The following FRMPD4 variants were observed in gnomAD, a reference collection of about 807,000 sequenced individuals.
The protein encoded by FRMPD4 is FERM and PDZ domain-containing protein 4.
A neutral mutation model predicts 94.1 loss-of-function variants in FRMPD4; 22 were observed. The ratio of observed to expected loss-of-function variants is 0.23; its 90% confidence interval spans 0.17 to 0.33. FRMPD4 has a LOEUF of 0.33. FRMPD4 is among the 10% of genes least tolerant of loss of function. The pLI is 1.00. For missense variants in FRMPD4, 1,111 were observed against 1,339.9 expected, an observed-to-expected ratio of 0.83 and a Z score of 2.67; for synonymous variants, 631 against 548.6, an observed-to-expected ratio of 1.15 and a Z score of -2.10.
At chrX:12,679,064 G>A (rs901866155) in intron 5 of FRMPD4, among the ~76,000 whole-genome samples, 5 of 112,344 alleles carry the variant, frequency 4.5e-5, no homozygotes, top group South Asian at 3.7e-4. Flanking sequence ...AAACCCCAGT[G>A]TAGCACATTC....
At chrX:12,655,043 C>T (rs997096064) in intron 4 of FRMPD4, among the ~76,000 whole-genome samples, 3 of 112,003 alleles carry the variant, frequency 2.7e-5, no homozygotes, top group Non-Finnish European at 3.8e-5. Context: ...TTGTGTAGTA[C>T]ACTGTATGGC....
chrX:12,112,129 G>A (rs1479679482), intron 3 of FRMPD4, among the ~76,000 whole-genome samples: 4 of 111,958 alleles, frequency 3.6e-5, no homozygotes, highest in Non-Finnish European at 7.5e-5. Context: ...TATGTTTATT[G>A]CGGCACTATT....
At chrX:12,025,490 C>T (rs1184448144) in intron 3 of FRMPD4, among the ~76,000 whole-genome samples, 1 of 111,871 alleles carries the variant, frequency 8.9e-6, no homozygotes, top group African/African-American at 3.2e-5. Flanking sequence ...CTAGTATTCA[C>T]ATTTTGTCAC....
intron 1 of FRMPD4, among the ~76,000 whole-genome samples, chrX:12,215,151 A>G (rs1026553947): frequency 9.0e-6 from 1 of 111,594 alleles, no homozygotes; most frequent in Admixed American, 9.5e-5. Context: ...TCGGTGTGAG[A>G]CTTTTCTCGA....
intron 4 of FRMPD4, among the ~76,000 whole-genome samples, chrX:12,637,299 A>G (rs185929618): frequency 8.9e-6 from 1 of 112,343 alleles, no homozygotes; most frequent in East Asian, 2.8e-4. Context: ...TACCACAAAT[A>G]ACATTTAAAG....
At chrX:12,652,796 C>T (rs905523172) in intron 4 of FRMPD4, among the ~76,000 whole-genome samples, 6 of 111,549 alleles carry the variant, frequency 5.4e-5, no homozygotes, top group African/African-American at 2.0e-4. Context: ...CAAGGCAATA[C>T]AGAGCAGGAG....
chrX:12,621,243 AAAAC>A (rs1034537616), intron 4 of FRMPD4, among the ~76,000 whole-genome samples: 21 of 110,760 alleles, frequency 1.9e-4, no homozygotes, highest in African/African-American at 6.9e-4. Flanking sequence ...AAAAGAAAAC[AAAAC>A]AAACAAACAA....
intron 1 of FRMPD4, among the ~76,000 whole-genome samples, chrX:12,417,934 C>T (rs1348465557): frequency 1.0e-5 from 1 of 96,982 alleles, no homozygotes. Context: ...GCAGAGCTTG[C>T]AGTGAGCCAA....
chrX:11,891,336 G>T (rs1181146438), intron 3 of FRMPD4, among the ~76,000 whole-genome samples: 1 of 112,473 alleles, frequency 8.9e-6, no homozygotes, highest in Non-Finnish European at 1.9e-5. Context: ...ACAGCTGTGC[G>T]TGGGATGGAA....
At chrX:12,053,432 G>A (rs865871612) in intron 3 of FRMPD4, among the ~76,000 whole-genome samples, 13 of 85,114 alleles carry the variant, frequency 1.5e-4, no homozygotes, top group African/African-American at 2.9e-4. Flanking sequence ...GAAAGAAAGA[G>A]AAAGAAAGAA....
chrX:12,497,747 C>A (rs764242384), intron 1 of FRMPD4, among the ~76,000 whole-genome samples: 1 of 111,385 alleles, frequency 9.0e-6, no homozygotes, highest in Admixed American at 9.5e-5. Context: ...AGTTCATCTG[C>A]AGAAAACATG....
chrX:12,238,686 A>G (rs1224859208), intron 1 of FRMPD4, among the ~76,000 whole-genome samples: 1 of 112,323 alleles, frequency 8.9e-6, no homozygotes, highest in Admixed American at 9.4e-5. Flanking sequence ...CAAATTGATA[A>G]TTCTGTATAA....
intron 2 of FRMPD4, among the ~76,000 whole-genome samples, chrX:12,524,830 G>A (rs768391583): frequency 5.4e-5 from 6 of 111,644 alleles, no homozygotes; most frequent in Non-Finnish European, 9.4e-5. Context: ...GATAGAGTCA[G>A]TCACACTAGA....
At chrX:12,495,296 C>T (rs1408526353) in intron 1 of FRMPD4, among the ~76,000 whole-genome samples, 1 of 112,142 alleles carries the variant, frequency 8.9e-6, no homozygotes, top group Non-Finnish European at 1.9e-5. Context: ...AGTTATTTAG[C>T]AAAGACTTTA....
chrX:11,891,446 C>A (rs1156283106), intron 3 of FRMPD4, among the ~76,000 whole-genome samples: 3 of 112,398 alleles, frequency 2.7e-5, no homozygotes, highest in Non-Finnish European at 5.6e-5. Flanking sequence ...TTCCTAGACC[C>A]AGAAGCCGAG....
chrX:11,890,115 A>C (rs1353587280), intron 3 of FRMPD4, among the ~76,000 whole-genome samples: 1 of 112,297 alleles, frequency 8.9e-6, no homozygotes, highest in Non-Finnish European at 1.9e-5. Flanking sequence ...TTTTGCAGTA[A>C]TCTATTACAA....
At chrX:12,194,913 G>T (rs1242002388) in intron 1 of FRMPD4, among the ~76,000 whole-genome samples, 5 of 111,944 alleles carry the variant, frequency 4.5e-5, no homozygotes, top group Non-Finnish European at 9.4e-5. Flanking sequence ...CAAATAACTT[G>T]AGTGAAGGAT....
At chrX:12,461,916 A>G (rs1048433346) in intron 1 of FRMPD4, among the ~76,000 whole-genome samples, 1 of 111,931 alleles carries the variant, frequency 8.9e-6, no homozygotes, top group East Asian at 2.8e-4. Context: ...ACCATGGTAA[A>G]TAAACAAACA....
At chrX:12,203,524 G>A (rs1445119898) in intron 1 of FRMPD4, among the ~76,000 whole-genome samples, 3 of 111,794 alleles carry the variant, frequency 2.7e-5, no homozygotes, top group Non-Finnish European at 5.6e-5. Flanking sequence ...ATGGTCATTG[G>A]CAGAATATGA....
Sources: gnomAD v4.1 joint callset for allele counts (sites outside exome capture counted in the v4.1 genomes callset) on GRCh38, gnomAD v4.1.1 for gene constraint, MANE v1.5 for transcripts, NCBI Gene and HGNC (gene_info 2026-07-23, HGNC 2026-07-21) for gene names.